The following FARP2 variants were observed in gnomAD, a reference collection of about 807,000 sequenced individuals.
FARP2 encodes FERM, ARH/RhoGEF and pleckstrin domain protein 2.
Under a neutral mutation model 130.5 loss-of-function variants are expected in FARP2, and 111 were observed. That is an observed-to-expected ratio of 0.85 (90% CI 0.73 to 1.00). FARP2 has a LOEUF of 1.00. FARP2 is among the 50% of genes least tolerant of loss of function. The pLI, the probability that FARP2 is intolerant of heterozygous loss-of-function variation, is 0.00. For synonymous variants in FARP2, 504 were observed against 516.9 expected, an observed-to-expected ratio of 0.98 and a Z score of 0.34; for missense variants, 1,385 against 1,346.3, an observed-to-expected ratio of 1.03 and a Z score of -0.45.
In FARP2 at chr2:241,470,302, C is replaced by T. The variant is rs2064274088; in HGVS notation, c.2131+1925C>T. ...GTTAAGTGTATGTTGTTGATCCATTCTATCATGCACCTGCTCTGCCTACTG... is the reference window on the plus strand; with the variant it reads ...GTTAAGTGTATGTTGTTGATCCATTTTATCATGCACCTGCTCTGCCTACTG... On this transcript the variant is annotated intron_variant, in intron 18 of 26. Transcript: ENST00000264042. Among the ~76,000 whole-genome samples the T allele has an allele frequency of 2.0e-5, 3 of 152,358 alleles. No homozygotes were observed. In the South Asian group the frequency reaches 6.2e-4, roughly 32 times the overall value.
intron 4 of FARP2, chr2:241,405,179 G>A (rs1279258661): frequency 5.2e-6 from 1 of 193,176 alleles, no homozygotes; most frequent in Admixed American, 5.5e-5. Context: ...TAAAATAGTT[G>A]ATACTGTTTT....
At chr2:241,464,539 G>GTT (rs1352600789) in intron 17 of FARP2, among the ~76,000 whole-genome samples, 17 of 151,836 alleles carry the variant, frequency 1.1e-4, no homozygotes, top group African/African-American at 3.6e-4. Context: ...CCAGAGCAGA[G>GTT]TCCCCCCTAA....
At chr2:241,442,399 G>A (rs750819114) in intron 13 of FARP2, 163 of 456,650 alleles carry the variant, frequency 3.6e-4, no homozygotes, top group South Asian at 1.5e-3. Flanking sequence ...CTCTGAAACC[G>A]AGGCCCCCCT....
chr2:241,390,041 C>T (rs1267921679), intron 2 of FARP2, among the ~76,000 whole-genome samples: 1 of 152,194 alleles, frequency 6.6e-6, no homozygotes, highest in African/African-American at 2.4e-5. Flanking sequence ...CTCTTCCCAT[C>T]CTTGCTCTTA....
intron 17 of FARP2, chr2:241,465,443 A>T (rs1013574861): frequency 1.7e-5 from 27 of 1,547,748 alleles, no homozygotes; most frequent in Non-Finnish European, 2.4e-5. Context: ...TGCTAGGCTC[A>T]TAGGTTTTTC....
intron 13 of FARP2, among the ~76,000 whole-genome samples, chr2:241,455,735 CT>C (rs1180839402): frequency 0.11 from 10,084 of 94,498 alleles, 136 homozygotes; most frequent in East Asian, 0.14. Flanking sequence ...CTAAAGTTTT[CT>C]TTTTTTTTTT....
At chr2:241,481,588 C>A (rs1292762328) in intron 19 of FARP2, among the ~76,000 whole-genome samples, 1 of 152,224 alleles carries the variant, frequency 6.6e-6, no homozygotes, top group Non-Finnish European at 1.5e-5. Flanking sequence ...TCTTTCATTT[C>A]TCTCCTTGGC....
At chr2:241,389,091 G>A (rs1377165123) in intron 2 of FARP2, among the ~76,000 whole-genome samples, 2 of 152,064 alleles carry the variant, frequency 1.3e-5, no homozygotes, top group African/African-American at 4.8e-5. Flanking sequence ...AACCAGCCTG[G>A]CCAACATGGT....
intron 2 of FARP2, among the ~76,000 whole-genome samples, chr2:241,401,957 T>C (rs2062179370): frequency 6.6e-6 from 1 of 152,074 alleles, no homozygotes; most frequent in Non-Finnish European, 1.5e-5. Context: ...ACCCGGCCAA[T>C]TTTTGTATTT....
intron 8 of FARP2, among the ~76,000 whole-genome samples, chr2:241,423,434 C>A (rs983030323): frequency 1.3e-5 from 2 of 152,294 alleles, no homozygotes; most frequent in East Asian, 3.9e-4. Flanking sequence ...CACCACCAGG[C>A]CTGCTTTGCA....
At chr2:241,437,670 A>ATTTATTTT (rs1553723709) in intron 12 of FARP2, among the ~76,000 whole-genome samples, 2,011 of 133,036 alleles carry the variant, frequency 0.015, 33 homozygotes, top group East Asian at 0.028. Context: ...TTATTTATTT[A>ATTTATTTT]TTTTTTTTTT....
chr2:241,484,840 C>T (rs1299918397), intron 21 of FARP2, among the ~76,000 whole-genome samples: 4 of 152,168 alleles, frequency 2.6e-5, no homozygotes, highest in African/African-American at 9.7e-5. Flanking sequence ...CATGGGGAGA[C>T]TTTCATGCAG....
intron 8 of FARP2, among the ~76,000 whole-genome samples, chr2:241,427,905 T>TA: frequency 6.6e-6 from 1 of 152,036 alleles, no homozygotes; most frequent in East Asian, 2.0e-4. Context: ...AGCTGGGACT[T>TA]AGAGGCGCCT....
At chr2:241,378,108 TA>T (rs1029387935) in intron 2 of FARP2, among the ~76,000 whole-genome samples, 9 of 151,892 alleles carry the variant, frequency 5.9e-5, no homozygotes, top group East Asian at 3.9e-4. Flanking sequence ...TTTATTTTAT[TA>T]TTTTTTTTTT....
At chr2:241,440,487 TGCTTGGGA>T (rs2063354279) in intron 12 of FARP2, among the ~76,000 whole-genome samples, 1 of 152,158 alleles carries the variant, frequency 6.6e-6, no homozygotes, top group African/African-American at 2.4e-5. Flanking sequence ...TTCCTCATCC[TGCTTGGGA>T]GCTGCTTCTC....
chr2:241,486,290 T>C (rs1254238153), intron 21 of FARP2, among the ~76,000 whole-genome samples: 2 of 145,868 alleles, frequency 1.4e-5, no homozygotes, highest in Non-Finnish European at 3.0e-5. Context: ...CAAAAATCTT[T>C]TTTTTTTTTT....
At chr2:241,436,599 A>C (rs1054649119) in intron 12 of FARP2, 61 bp downstream of exon 12, 1 of 1,281,936 alleles carries the variant, frequency 7.8e-7, no homozygotes, top group Non-Finnish European at 1.1e-6. Flanking sequence ...TTTGGAAAAT[A>C]GTCTGTCAGT....
rs1288322414 is a variant in FARP2 at position 241,402,878 on chromosome 2, ATATTTTTTTTT to A, written c.184-948_184-938del. 3.1e-3 allele frequency among the ~76,000 whole-genome samples: 26 copies of A among 8,470 alleles called. 1 individual carries two copies. In the Admixed American group the frequency reaches 0.045, roughly 15 times the overall value. The allele number at this position is 8,470 out of a possible 152,430, so 5.6% of individuals were successfully genotyped here. On this transcript the variant is annotated intron_variant, in intron 2 of 26. Coordinates refer to ENST00000264042, the MANE Select transcript of FARP2 (RefSeq NM_014808.4). ...TATATATATATATATATATATATAT[ATATTTTTTTTT>A]TTTTTTTTTTTTTTTTTTTTTTGTA... is the stretch of plus-strand genomic sequence containing the variant.
chr2:241,403,199 G>C (rs1054706825), intron 2 of FARP2, among the ~76,000 whole-genome samples: 1 of 151,434 alleles, frequency 6.6e-6, no homozygotes, highest in African/African-American at 2.4e-5. Flanking sequence ...TAAGACTTTA[G>C]CTTTTTAGTA....
Sources: gnomAD v4.1 joint callset for allele counts (sites outside exome capture counted in the v4.1 genomes callset) on GRCh38, gnomAD v4.1.1 for gene constraint, MANE v1.5 for transcripts, NCBI Gene and HGNC (gene_info 2026-07-23, HGNC 2026-07-21) for gene names.